The following QRICH1 variants were observed in gnomAD, a reference collection of about 807,000 sequenced individuals.
QRICH1 encodes the protein transcriptional regulator QRICH1.
A neutral mutation model predicts 87.1 loss-of-function variants in QRICH1; 16 were observed. The ratio of observed to expected loss-of-function variants is 0.18; its 90% CI spans 0.12 to 0.28. The LOEUF (loss-of-function observed/expected upper bound fraction) is 0.28, where lower values mean the gene tolerates loss of function less well. Among genes scored for constraint, QRICH1 ranks in the 10% least tolerant of loss-of-function variants. The pLI, the probability that QRICH1 is intolerant of heterozygous loss-of-function variation, is 1.00. For missense variants in QRICH1, 647 were observed against 951.7 expected, an observed-to-expected ratio of 0.68 and a Z score of 4.21; for synonymous variants, 367 against 368.4, an observed-to-expected ratio of 1.00 and a Z score of 0.05.
At chr3:49,093,857 C>T (rs1487063613) in intron 1 of QRICH1, 55 bp downstream of exon 1, 1 of 376,342 alleles carries the variant, frequency 2.7e-6, no homozygotes, top group South Asian at 1.3e-4. Flanking sequence ...TGGGGTGGGC[C>T]CCCCGTCTCA....
At chr3:49,080,616 T>C (rs2042040277) in intron 1 of QRICH1, among the ~76,000 whole-genome samples, 1 of 152,116 alleles carries the variant, frequency 6.6e-6, no homozygotes, top group South Asian at 2.1e-4. Flanking sequence ...AGTAACCCTA[T>C]TTCTCCTCAC....
intron 2 of QRICH1, among the ~76,000 whole-genome samples, chr3:49,070,212 T>C (rs1257120730): frequency 6.6e-6 from 1 of 151,888 alleles, no homozygotes; most frequent in Non-Finnish European, 1.5e-5. Context: ...GATTTTTGTA[T>C]TTTTTAGCAG....
rs953141691 is a variant in QRICH1 at position 49,075,357 on chromosome 3, G to A, written c.309+1352C>T. Among the ~76,000 whole-genome samples, 25 of 149,998 alleles carry A rather than the reference G, an allele frequency of 1.7e-4. 1 individual carries two copies. The highest frequency in any genetic ancestry group is 1.5e-3 in the Admixed American group (22 of 14,990). ...AAAAAAAAAAAAAAAAAAGTCAGGC[G>A]CCGTGGCTCATGCCTGTAATCCTAG... On this transcript the variant is annotated intron_variant, in intron 2 of 9. Coordinates refer to ENST00000395443, the MANE Select transcript of QRICH1 (RefSeq NM_198880.3).
At chr3:49,041,420 TG>T (rs1189513227) in intron 6 of QRICH1, among the ~76,000 whole-genome samples, 2 of 152,084 alleles carry the variant, frequency 1.3e-5, no homozygotes, top group African/African-American at 4.8e-5. Flanking sequence ...CTTGAACTCC[TG>T]GGCTCAAGCA....
At chr3:49,072,859 T>C (rs938566906) in intron 2 of QRICH1, among the ~76,000 whole-genome samples, 2 of 151,866 alleles carry the variant, frequency 1.3e-5, no homozygotes, top group Non-Finnish European at 2.9e-5. Flanking sequence ...CTGAGCAACA[T>C]GGCGAGAGTC....
At chr3:49,085,724 C>T (rs1197722868) in intron 1 of QRICH1, among the ~76,000 whole-genome samples, 8 of 150,882 alleles carry the variant, frequency 5.3e-5, no homozygotes, top group Non-Finnish European at 1.2e-4. Context: ...TGCCACTGCA[C>T]TCCGGCCTGG....
rs556352928 is a variant in QRICH1, at chr3:49,038,170, C to T, written c.1787-4942G>A. ...TCAGCTCCCGGGTTCACACCATTCTCCTGCCTCAGCCTCCATAATAGCTGG... is the reference window on the plus strand; with the variant it reads ...TCAGCTCCCGGGTTCACACCATTCTTCTGCCTCAGCCTCCATAATAGCTGG... On this transcript the variant is annotated intron_variant, in intron 6 of 9. Coordinates refer to ENST00000395443, the MANE Select transcript of QRICH1 (RefSeq NM_198880.3). Among the ~76,000 whole-genome samples the T allele has an allele frequency of 2.9e-3, 441 of 151,362 alleles. 4 individuals are homozygous for T. Among genetic ancestry groups the T allele is most frequent in the African/African-American group, 0.01 (420 of 41,270 alleles).
At chr3:49,076,139 A>C (rs1234055931) in intron 2 of QRICH1, among the ~76,000 whole-genome samples, 1 of 152,182 alleles carries the variant, frequency 6.6e-6, no homozygotes, top group Non-Finnish European at 1.5e-5. Context: ...GCTACTCAGG[A>C]GGCTGGGGCA....
chr3:49,073,608 T>G (rs550165955), intron 2 of QRICH1, among the ~76,000 whole-genome samples: 77 of 152,204 alleles, frequency 5.1e-4, no homozygotes, highest in Non-Finnish European at 7.2e-4. Context: ...TTCAGAAAGT[T>G]TATCATCAAT....
At chr3:49,043,063 A>G (rs114209783) in intron 6 of QRICH1, among the ~76,000 whole-genome samples, 1,810 of 152,316 alleles carry the variant, frequency 0.012, 26 homozygotes, top group Middle Eastern at 0.031. Flanking sequence ...TGGTTTATCA[A>G]TTATAACAAA....
intron 3 of QRICH1, among the ~76,000 whole-genome samples, chr3:49,055,587 T>G (rs993796429): frequency 1.3e-5 from 2 of 152,212 alleles, no homozygotes; most frequent in African/African-American, 2.4e-5. Flanking sequence ...GATCTCAAAC[T>G]CCTGGGCTCA....
At chr3:49,053,643 C>T (rs1351837153) in intron 3 of QRICH1, among the ~76,000 whole-genome samples, 1 of 152,114 alleles carries the variant, frequency 6.6e-6, no homozygotes, top group Non-Finnish European at 1.5e-5. Flanking sequence ...GAAATTTTTA[C>T]AGCATCTAGA....
Position 49,075,972 on chromosome 3 carries a change from G to A in QRICH1, c.309+737C>T, listed in dbSNP as rs112476093. ...AAACAACCCAGGTGTGGCCGGGTGC[G>A]GTGGCTCATGCCTGTAATCCCAGCA... On this transcript the variant is annotated intron_variant, in intron 2 of 9. Coordinates refer to ENST00000395443, the MANE Select transcript of QRICH1 (RefSeq NM_198880.3). 7.2e-5 allele frequency among the ~76,000 whole-genome samples: 11 copies of A among 152,136 alleles called. 1 individual carries two copies. The highest frequency in any genetic ancestry group is 3.4e-3 in the Middle Eastern group (1 of 294).
chr3:49,033,030 T>C, intron 7 of QRICH1, 90 bp downstream of exon 7: 1 of 1,113,922 alleles, frequency 9.0e-7, no homozygotes. Context: ...GTTTCTCAAA[T>C]ATATGTCAGA....
intron 2 of QRICH1, among the ~76,000 whole-genome samples, chr3:49,059,423 A>ATT (rs751098592): frequency 5.2e-5 from 7 of 133,744 alleles, no homozygotes; most frequent in African/African-American, 5.5e-5. Flanking sequence ...CACCCAGCTA[A>ATT]TTTTTTTTTT....
chr3:49,067,020 A>G (rs2093472530), intron 2 of QRICH1, among the ~76,000 whole-genome samples: 1 of 151,984 alleles, frequency 6.6e-6, no homozygotes, highest in Non-Finnish European at 1.5e-5. Flanking sequence ...CCTCATCGAC[A>G]GAGACTCTGT....
At chr3:49,045,863 G>C (rs1264941957) in intron 5 of QRICH1, among the ~76,000 whole-genome samples, 1 of 151,842 alleles carries the variant, frequency 6.6e-6, no homozygotes, top group African/African-American at 2.4e-5. Context: ...CAAAGTGCTG[G>C]GATTACAGGT....
intron 2 of QRICH1, 32 bp downstream of exon 2, chr3:49,076,677 A>C: frequency 1.4e-6 from 2 of 1,468,474 alleles, no homozygotes; most frequent in Non-Finnish European, 1.8e-6. Flanking sequence ...AAAGTACATT[A>C]AACAGGCTGC....
chr3:49,055,069 T>C (rs752916277), intron 3 of QRICH1, among the ~76,000 whole-genome samples: 1 of 152,206 alleles, frequency 6.6e-6, no homozygotes, highest in African/African-American at 2.4e-5. Flanking sequence ...TTTTCACAAC[T>C]AGACTCTAAG....
Sources: allele counts gnomAD v4.1 joint callset (sites outside exome capture counted in the v4.1 genomes callset), GRCh38; gene constraint gnomAD v4.1.1; transcripts MANE v1.5; gene names NCBI Gene and HGNC (gene_info 2026-07-23, HGNC 2026-07-21).